The following PARVA variants were observed in gnomAD, a reference collection of about 807,000 sequenced individuals.
PARVA encodes the protein alpha-parvin.
Under a neutral mutation model 52.6 loss-of-function variants are expected in PARVA, and 25 were observed. The observed-to-expected ratio is 0.48, with a 90% CI of 0.35 to 0.66. The LOEUF is 0.66. Among genes scored for constraint, PARVA ranks in the 30% least tolerant of loss-of-function variants. The probability of loss-of-function intolerance (pLI) is 0.01; values close to 1 mark genes in which losing one functional copy is unlikely to be tolerated. For synonymous variants in PARVA, 185 were observed against 179.1 expected (o/e 1.03, Z -0.26); for missense variants, 373 against 450.9 (o/e 0.83, Z 1.56).
chr11:12,392,716 C>A (rs2896608), intron 1 of PARVA, among the ~76,000 whole-genome samples: 27,407 of 152,016 alleles, frequency 0.18, 3,586 homozygotes, highest in African/African-American at 0.37. Flanking sequence ...ACATATTTTT[C>A]TTTGTCTTAG....
At chr11:12,508,086 C>G (rs991814726) in intron 6 of PARVA, among the ~76,000 whole-genome samples, 3 of 131,972 alleles carry the variant, frequency 2.3e-5, no homozygotes, top group African/African-American at 8.5e-5. Context: ...TAAAAGCTCC[C>G]ATATTTATCA....
At position 12,473,985 on chromosome 11, in the gene PARVA, TAAG is replaced by T. The variant is rs761120334; in HGVS notation, c.297+8_297+10del. 2.4e-5 allele frequency: 38 copies of T among 1,569,672 alleles called. No homozygotes were observed. Among genetic ancestry groups the T allele is most frequent in the Non-Finnish European group, 3.1e-5 (36 of 1,157,352 alleles). ...CCCAAGCTTCAAGAACTGATGAAGG[TAAG>T]AAGAAATCAGGAGCGGCTTCAGGTG... is the stretch of plus-strand genomic sequence containing the variant. On this transcript the variant is annotated splice_donor_5th_base_variant and intron_variant, in intron 3 of 12. Coordinates refer to ENST00000334956, the MANE Select transcript of PARVA (RefSeq NM_018222.5).
intron 1 of PARVA, among the ~76,000 whole-genome samples, chr11:12,379,404 T>G (rs1939452551): frequency 2.0e-5 from 3 of 152,210 alleles, no homozygotes; most frequent in Admixed American, 6.5e-5. Flanking sequence ...ACTTGGGATA[T>G]CCATCACGTT....
intron 1 of PARVA, among the ~76,000 whole-genome samples, chr11:12,385,872 C>T (rs1431384678): frequency 6.6e-6 from 1 of 152,150 alleles, no homozygotes; most frequent in African/African-American, 2.4e-5. Flanking sequence ...AGATGGCAGC[C>T]TGCACATGAC....
chr11:12,407,234 C>A (rs1939925262), intron 1 of PARVA, among the ~76,000 whole-genome samples: 1 of 152,230 alleles, frequency 6.6e-6, no homozygotes, highest in East Asian at 1.9e-4. Flanking sequence ...GATATATTAG[C>A]ATCTGGAAAT....
At chr11:12,393,503 C>G (rs151260300) in intron 1 of PARVA, among the ~76,000 whole-genome samples, 11 of 152,206 alleles carry the variant, frequency 7.2e-5, no homozygotes, top group Non-Finnish European at 1.6e-4. Context: ...ATTGAGTTGT[C>G]TTCCACATGG....
intron 1 of PARVA, among the ~76,000 whole-genome samples, chr11:12,467,533 G>A (rs1389019383): frequency 6.6e-6 from 1 of 152,154 alleles, no homozygotes; most frequent in Non-Finnish European, 1.5e-5. Flanking sequence ...TGTTGTTGTT[G>A]TAGATGTTCT....
chr11:12,428,070 G>T (rs1940262944), intron 1 of PARVA, among the ~76,000 whole-genome samples: 2 of 152,180 alleles, frequency 1.3e-5, no homozygotes, highest in Admixed American at 1.3e-4. Flanking sequence ...CTCACTACCA[G>T]CCTGTGAGAC....
intron 1 of PARVA, among the ~76,000 whole-genome samples, chr11:12,465,068 G>A (rs973686175): frequency 7.2e-5 from 11 of 152,162 alleles, no homozygotes; most frequent in African/African-American, 2.7e-4. Flanking sequence ...CAGAGCTCAG[G>A]TAGTAATACT....
At chr11:12,477,125 T>G (rs1941025445) in intron 3 of PARVA, 2 of 151,906 alleles carry the variant, frequency 1.3e-5, no homozygotes, top group African/African-American at 4.8e-5. Flanking sequence ...AGATAGAGTC[T>G]CACTCTGTTG....
chr11:12,522,667 C>A (rs1589991932), intron 12 of PARVA, among the ~76,000 whole-genome samples: 2 of 152,048 alleles, frequency 1.3e-5, no homozygotes, highest in African/African-American at 4.8e-5. Context: ...GATCCGCCTG[C>A]CTCGGCTTCC....
At chr11:12,525,728 C>T (rs2135091799) in intron 12 of PARVA, among the ~76,000 whole-genome samples, 1 of 152,122 alleles carries the variant, frequency 6.6e-6, no homozygotes, top group East Asian at 1.9e-4. Flanking sequence ...CAGTTAGAGG[C>T]TCAGATATGT....
intron 4 of PARVA, among the ~76,000 whole-genome samples, chr11:12,494,286 C>T (rs1312106928): frequency 6.6e-6 from 1 of 152,136 alleles, no homozygotes; most frequent in Non-Finnish European, 1.5e-5. Flanking sequence ...AATCACTGGC[C>T]ATTGATAGTT....
At chr11:12,511,559 G>C in intron 8 of PARVA, 26 bp downstream of exon 8, 1 of 1,612,096 alleles carries the variant, frequency 6.2e-7, no homozygotes, top group Non-Finnish European at 8.5e-7. Context: ...TTGTCCTCTG[G>C]CACTGGTGGC....
chr11:12,457,845 C>A (rs1160261143), intron 1 of PARVA, among the ~76,000 whole-genome samples: 1 of 152,096 alleles, frequency 6.6e-6, no homozygotes, highest in Non-Finnish European at 1.5e-5. Flanking sequence ...GAGTAGAGAT[C>A]TGTCCACAAA....
intron 1 of PARVA, among the ~76,000 whole-genome samples, chr11:12,403,424 GC>G (rs926846875): frequency 4.6e-5 from 7 of 152,200 alleles, no homozygotes; most frequent in Non-Finnish European, 8.8e-5. Flanking sequence ...ATGATAGGAG[GC>G]CCCCAGCCTT....
chr11:12,424,618 G>A (rs961348772), intron 1 of PARVA, among the ~76,000 whole-genome samples: 14 of 152,130 alleles, frequency 9.2e-5, no homozygotes, highest in South Asian at 6.2e-4. Flanking sequence ...TGGACAGTGC[G>A]GAAATAAATA....
intron 1 of PARVA, among the ~76,000 whole-genome samples, chr11:12,394,194 AG>A (rs1027278463): frequency 2.0e-5 from 3 of 152,170 alleles, no homozygotes; most frequent in Non-Finnish European, 2.9e-5. Flanking sequence ...TATTAGTAAG[AG>A]GTATCACTGG....
intron 5 of PARVA, 44 bp from the exon 6 acceptor site, chr11:12,504,270 C>T (rs754840484): frequency 4.4e-6 from 5 of 1,124,338 alleles, no homozygotes; most frequent in Non-Finnish European, 6.7e-6. Context: ...TTGCCTAGAA[C>T]CTGGAAGAAG....
Sources: allele counts gnomAD v4.1 joint callset (sites outside exome capture counted in the v4.1 genomes callset), GRCh38; gene constraint gnomAD v4.1.1; transcripts MANE v1.5; gene names NCBI Gene and HGNC (gene_info 2026-07-23, HGNC 2026-07-21).